ZNF276: variants seen among roughly 807,000 people sequenced by gnomAD.
ZNF276 encodes the protein zinc finger protein 276.
ZNF276 carries 59 observed loss-of-function variants against 63.9 expected under a neutral mutation model. The observed-to-expected ratio is 0.92, with a 90% CI of 0.75 to 1.15. The LOEUF is 1.15. Among genes scored for constraint, ZNF276 ranks in the 50% most tolerant of loss-of-function variants. The probability of loss-of-function intolerance (pLI) is 0.00; values close to 1 mark genes in which losing one functional copy is unlikely to be tolerated. For synonymous variants in ZNF276, 496 were observed against 348.4 expected (o/e 1.42, Z -4.72); for missense variants, 1,084 against 843.8 (o/e 1.28, Z -3.53).
rs186497529 is a variant in ZNF276 at position 89,738,459 on chromosome 16, G to C, written c.*213G>C. On this transcript the variant is annotated 3_prime_UTR_variant, in exon 11 of 11. Transcript: ENST00000443381. ...ACGCTGAGTGACTCGGGGCCGGACA[G>C]TTCATAAATAATTGATTCCTTTCCC... The C allele has an allele frequency of 2.1e-5, 30 of 1,433,064 alleles. No individual in the cohort carries two copies. In the Admixed American group the frequency reaches 4.1e-4, roughly 19 times the overall value. The allele number at this position is 1,433,064 out of a possible 1,614,324, so 88.8% of individuals were successfully genotyped here.
chr16:89,729,634 C>T (rs1046154481), intron 6 of ZNF276, among the ~76,000 whole-genome samples: 4 of 152,176 alleles, frequency 2.6e-5, no homozygotes, highest in African/African-American at 9.7e-5. Context: ...GAGGCTCTTA[C>T]GTCCCTTCTG....
intron 6 of ZNF276, 56 bp downstream of exon 6, chr16:89,729,374 G>A (rs1317436409): frequency 1.6e-5 from 24 of 1,496,634 alleles, no homozygotes; most frequent in Admixed American, 5.1e-5. Flanking sequence ...CTAGACACCC[G>A]CCTGTGCTCC....
rs772262735 is a variant in ZNF276 at position 89,739,578 on chromosome 16, G to A, written c.*1332G>A. ...TCTGCAACACCAAGAAGTGGCTCAG[G>A]CAACTCTGGACATCTCTGCCTATTA... On this transcript the variant is annotated 3_prime_UTR_variant, in exon 11 of 11. Coordinates refer to ENST00000443381, the MANE Select transcript of ZNF276 (RefSeq NM_001113525.2). 5.2e-6 allele frequency: 8 copies of A among 1,549,926 alleles called. No homozygotes were observed. In the East Asian group the frequency reaches 1.5e-4, roughly 28 times the overall value.
rs575310374 is a variant in ZNF276, at chr16:89,728,624, G to C, written c.1086-611G>C. Among the ~76,000 whole-genome samples, 367 of 152,044 alleles carry C rather than the reference G, an allele frequency of 2.4e-3. 1 individual carries two copies. The highest frequency in any genetic ancestry group is 3.8e-3 in the Non-Finnish European group (258 of 67,960). On this transcript the variant is annotated intron_variant, in intron 5 of 10. Transcript: ENST00000443381. ...TCACTTTGTTAGCCGGGATGGTCTT[G>C]ATCTCCTGACCTCGTGATCCGCCCG...
upstream of ZNF276, chr16:89,721,478 C>T (rs967688056): frequency 1.6e-6 from 1 of 635,358 alleles, no homozygotes; most frequent in East Asian, 3.6e-5. Context: ...CGGGGTCCCG[C>T]CCCTGGCCCC....
rs755275345 is a variant in ZNF276, at chr16:89,729,185, G to A, written c.1086-50G>A. ...TTAGGCAGGAGGTCGTGTTGGGTCT[G>A]TCACTGCCCAGGCCCAGGGCTTTGC... On this transcript the variant is annotated intron_variant, in intron 5 of 10. Coordinates refer to ENST00000443381, the MANE Select transcript of ZNF276 (RefSeq NM_001113525.2). The A allele has an allele frequency of 3.2e-6, 5 of 1,546,870 alleles. No individual in the cohort carries two copies. The African/African-American group carries it at 5.4e-5, about 17-fold the overall frequency.
intron 6 of ZNF276, chr16:89,731,465 C>T (rs913019056): frequency 1.3e-5 from 2 of 152,282 alleles, no homozygotes; most frequent in African/African-American, 4.8e-5. Context: ...ACGTTGGCCA[C>T]ACTGGTCTCG....
chr16:89,739,162 C>T lies in ZNF276; in HGVS notation c.*916C>T, dbSNP rs775234845. The T allele has an allele frequency of 4.3e-6, 7 of 1,614,170 alleles. No homozygotes were observed. In the South Asian group the frequency reaches 7.7e-5, roughly 18 times the overall value. Reference sequence around the variant, plus strand: ...CCCTTGAGCTCCAGGCTCCTGCCAGCTGGAGGTGAAACTGTGCTTGTATCC... The same window carrying T: ...CCCTTGAGCTCCAGGCTCCTGCCAGTTGGAGGTGAAACTGTGCTTGTATCC... On this transcript the variant is annotated 3_prime_UTR_variant, in exon 11 of 11. Transcript: ENST00000443381.
In ZNF276 at chr16:89,740,176, C is replaced by T. The variant is rs2062093537; in HGVS notation, c.*1930C>T. The T allele has an allele frequency of 1.0e-5, 11 of 1,095,884 alleles. No individual in the cohort carries two copies. The highest frequency in any genetic ancestry group is 1.6e-5 in the Non-Finnish European group (11 of 708,768). 67.9% of individuals were successfully genotyped at this position (1,095,884 alleles called of 1,614,324 possible). On this transcript the variant is annotated 3_prime_UTR_variant, in exon 11 of 11. Transcript: ENST00000443381. ...GGGTAGGAGGGTACAGCCCTCAGCA[C>T]AGAAGAGGGCATTTCCTCTTTGCTT...
Position 89,739,607 on chromosome 16 carries a change from G to A in ZNF276, c.*1361G>A. The A allele has an allele frequency of 6.5e-7, 1 of 1,538,288 alleles. No individual in the cohort carries two copies. Among genetic ancestry groups the A allele is most frequent in the Non-Finnish European group, 8.8e-7 (1 of 1,135,744 alleles). On this transcript the variant is annotated 3_prime_UTR_variant, in exon 11 of 11. Coordinates refer to ENST00000443381, the MANE Select transcript of ZNF276 (RefSeq NM_001113525.2). ...CTCTGGACATCTCTGCCTATTATCA[G>A]TGCTGGGGACACCCCTGGGGGTCGG...
In ZNF276 at chr16:89,738,756, A is replaced by G; in HGVS notation, c.*510A>G. The G allele has an allele frequency of 6.2e-7, 1 of 1,612,766 alleles. No individual in the cohort carries two copies. Among genetic ancestry groups the G allele is most frequent in the Non-Finnish European group, 8.5e-7 (1 of 1,179,458 alleles). On this transcript the variant is annotated 3_prime_UTR_variant, in exon 11 of 11. Coordinates refer to ENST00000443381, the MANE Select transcript of ZNF276 (RefSeq NM_001113525.2). ...CAGCCCATGCCGCCCACTAGGCCTC[A>G]GACCACAGGGGAGGGGCTCTGGCAG...
Position 89,739,142 on chromosome 16 carries a change from G to C in ZNF276, c.*896G>C, listed in dbSNP as rs1366841040. On this transcript the variant is annotated 3_prime_UTR_variant, in exon 11 of 11. Coordinates refer to ENST00000443381, the MANE Select transcript of ZNF276 (RefSeq NM_001113525.2). Reference sequence around the variant, plus strand: ...TGGCCCTTGCACCTGCCTGACCCTTGAGCTCCAGGCTCCTGCCAGCTGGAG... The same window carrying C: ...TGGCCCTTGCACCTGCCTGACCCTTCAGCTCCAGGCTCCTGCCAGCTGGAG... 2 of 1,614,114 alleles carry C rather than the reference G, an allele frequency of 1.2e-6. No homozygotes were observed. The highest frequency in any genetic ancestry group is 1.7e-6 in the Non-Finnish European group (2 of 1,180,020).
intron 9 of ZNF276, among the ~76,000 whole-genome samples, chr16:89,735,554 G>A (rs572422734): frequency 6.6e-6 from 1 of 152,168 alleles, no homozygotes; most frequent in African/African-American, 2.4e-5. Flanking sequence ...GGTCACTGAT[G>A]GTCACAACCA....
At chr16:89,729,045 T>A (rs1672872745) in intron 5 of ZNF276, among the ~76,000 whole-genome samples, 190 bp from the exon 6 acceptor site, 2 of 152,238 alleles carry the variant, frequency 1.3e-5, no homozygotes, top group African/African-American at 4.8e-5. Flanking sequence ...ATTGCTGGCT[T>A]GTGAGCCTGG....
At chr16:89,736,877 C>T (rs2061930892) in intron 9 of ZNF276, among the ~76,000 whole-genome samples, 1 of 150,574 alleles carries the variant, frequency 6.6e-6, no homozygotes, top group Admixed American at 6.6e-5. Flanking sequence ...TGCACTCCAG[C>T]CTGGGCAACA....
At chr16:89,720,412 T>C, upstream of ZNF276, 1 of 1,016,784 alleles carries the variant, frequency 9.8e-7, no homozygotes, top group Non-Finnish European at 1.2e-6. Flanking sequence ...ATCTACCATC[T>C]CTGCCCAGAA....
At chr16:89,728,596 G>T (rs982642302) in intron 5 of ZNF276, among the ~76,000 whole-genome samples, 14 of 152,040 alleles carry the variant, frequency 9.2e-5, no homozygotes, top group Admixed American at 4.6e-4. Flanking sequence ...CAGAGACGGG[G>T]TTTCACTTTG....
At chr16:89,731,331 G>A (rs992034639) in intron 6 of ZNF276, among the ~76,000 whole-genome samples, 2 of 152,238 alleles carry the variant, frequency 1.3e-5, no homozygotes, top group Admixed American at 6.5e-5. Flanking sequence ...TTGGCTCACT[G>A]CAACCTCCGC....
rs1019851976 is a variant in ZNF276, at chr16:89,740,374, T to G, written c.*2128T>G. ...AGGCCCACAGGCCGGATGCAGTGGC[T>G]CATGCCTGTAATCCCAACACTTTGG... On this transcript the variant is annotated 3_prime_UTR_variant, in exon 11 of 11. Transcript: ENST00000443381. 2 of 513,250 alleles carry G rather than the reference T, an allele frequency of 3.9e-6. No individual in the cohort carries two copies. Among genetic ancestry groups the G allele is most frequent in the Non-Finnish European group, 7.1e-6 (2 of 283,498 alleles). 31.8% of individuals were successfully genotyped at this position (513,250 alleles called of 1,614,324 possible).
Sources: gnomAD v4.1 joint callset for allele counts (sites outside exome capture counted in the v4.1 genomes callset) on GRCh38, gnomAD v4.1.1 for gene constraint, MANE v1.5 for transcripts, NCBI Gene and HGNC (gene_info 2026-07-23, HGNC 2026-07-21) for gene names.